FDXR: variants seen among roughly 807,000 people sequenced by gnomAD.
FDXR encodes ferredoxin reductase.
A neutral mutation model predicts 58.3 loss-of-function variants in FDXR; 38 were observed. The ratio of observed to expected loss-of-function variants is 0.65; its 90% CI spans 0.50 to 0.85. FDXR has a LOEUF of 0.85. Ranked by LOEUF, FDXR falls within the 40% of genes least tolerant of loss-of-function variation. The pLI, the probability that FDXR is intolerant of heterozygous loss-of-function variation, is 0.00. For missense variants in FDXR, 624 were observed against 671.0 expected, an observed-to-expected ratio of 0.93 and a Z score of 0.77; for synonymous variants, 275 against 273.8, an observed-to-expected ratio of 1.00 and a Z score of -0.04.
chr17:74,865,988 G>T, intron 5 of FDXR, 143 bp downstream of exon 5: 1 of 835,840 alleles, frequency 1.2e-6, no homozygotes. Context: ...TCTCCCCCGA[G>T]GCCCTCCACA....
rs561323915 is a variant in FDXR, at chr17:74,872,448, C to A, written c.80-315G>T. The A allele has an allele frequency of 2.3e-4, 152 of 664,700 alleles. 1 individual carries two copies. Among genetic ancestry groups the A allele is most frequent in the South Asian group, 1.2e-3 (64 of 51,652 alleles). 41.2% of individuals were successfully genotyped at this position (664,700 alleles called of 1,614,324 possible). On this transcript the variant is annotated intron_variant, in intron 1 of 11. Transcript: ENST00000293195. ...ATCCTTCCAACGGCCTCCATATCAT[C>A]CCAATCTCGCCCCCGTGGGTCTCCC...
rs1188063159 is a variant in FDXR, at chr17:74,862,727, C to G, written c.*90G>C. ...CCAAGCCAGGGCCGGCCGGGATCAG[C>G]AGAGGTGCAAAGTCCCACTCAGACG... On this transcript the variant is annotated 3_prime_UTR_variant, in exon 12 of 12. Coordinates refer to ENST00000293195, the MANE Select transcript of FDXR (RefSeq NM_024417.5). The G allele has an allele frequency of 1.4e-6, 2 of 1,478,744 alleles. No homozygotes were observed. Among genetic ancestry groups the G allele is most frequent in the Admixed American group, 4.3e-5 (2 of 46,976 alleles). The allele number at this position is 1,478,744 out of a possible 1,614,324, so 91.6% of individuals were successfully genotyped here.
chr17:74,869,819 C>T (rs568434088), intron 2 of FDXR: 87 of 383,202 alleles, frequency 2.3e-4, no homozygotes, highest in African/African-American at 1.0e-4. Flanking sequence ...GAACATGTTA[C>T]GTCCAGTAAA....
Position 74,863,887 on chromosome 17 carries a change from C to G in FDXR, c.1174+9G>C. Reference sequence around the variant, plus strand: ...TAATTCAGCACCCAGCCTCCTCACACCCTCTCACCTGGCACATCCATAACC... The same window carrying G: ...TAATTCAGCACCCAGCCTCCTCACAGCCTCTCACCTGGCACATCCATAACC... On this transcript the variant is annotated intron_variant, in intron 10 of 11. Coordinates refer to ENST00000293195, the MANE Select transcript of FDXR (RefSeq NM_024417.5). 6.2e-7 allele frequency: 1 copy of G among 1,608,668 alleles called. No individual in the cohort carries two copies.
intron 2 of FDXR, chr17:74,868,803 C>G: frequency 3.5e-6 from 5 of 1,426,346 alleles, no homozygotes; most frequent in Non-Finnish European, 3.7e-6. Flanking sequence ...ATTTAACCCA[C>G]TCCCTCCTGC....
Position 74,872,048 on chromosome 17 carries a change from T to C in FDXR, c.165A>G (p.Gln55=), listed in dbSNP as rs1326486460. 4 of 1,597,512 alleles carry C rather than the reference T, an allele frequency of 2.5e-6. No homozygotes were observed. Among genetic ancestry groups the C allele is most frequent in the African/African-American group, 2.7e-5 (2 of 74,284 alleles). Residue 55 remains glutamine, a synonymous_variant, in exon 2 of 12, where the codon CAA becomes CAG. Transcript: ENST00000293195. ...GTAAGTGGCTTACCTTTAGCAGGTG[T>C]TGGGCCGTGTAGAAGCCAGCTGGGC... ...GSGPAGFYTA[Q]HLLKHPQAHV...
rs1344258866 is a variant in FDXR at position 74,863,916 on chromosome 17, C to T, written c.1154G>A (p.Gly385Asp). Residue 385 changes from glycine to aspartate, a missense_variant, in exon 10 of 12, where the codon GGC becomes GAC. Transcript: ENST00000293195. Reference protein sequence around the residue: ...SKLGVIPNVEGRVMDVPGLYC... With the variant: ...SKLGVIPNVEDRVMDVPGLYC... ...CTCACCTGGCACATCCATAACCCGG[C>T]CCTCCACATTGGGGATGACCCCAAG... The T allele has an allele frequency of 3.1e-6, 5 of 1,613,644 alleles. No homozygotes were observed. The Admixed American group carries it at 6.7e-5, about 22-fold the overall frequency.
At chr17:74,865,693 C>A in intron 6 of FDXR, 26 bp downstream of exon 6, 1 of 1,550,398 alleles carries the variant, frequency 6.4e-7, no homozygotes, top group Non-Finnish European at 8.8e-7. Flanking sequence ...CACCTCCAAC[C>A]CCGCCAGCCC....
At chr17:74,866,046 T>A in intron 5 of FDXR, 85 bp downstream of exon 5, 3 of 1,112,940 alleles carry the variant, frequency 2.7e-6, no homozygotes, top group Non-Finnish European at 4.0e-6. Flanking sequence ...CGCCACTGGA[T>A]GGCAGCTCCC....
chr17:74,866,964 A>G lies in FDXR; in HGVS notation c.178-88T>C, dbSNP rs766455383. Reference sequence around the variant, plus strand: ...CCTCCCCTTCCCCAGACAGAGCAGGAGAGTTCAGGACCCTGGGCTGAGAAC... The same window carrying G: ...CCTCCCCTTCCCCAGACAGAGCAGGGGAGTTCAGGACCCTGGGCTGAGAAC... On this transcript the variant is annotated intron_variant, in intron 2 of 11. Transcript: ENST00000293195. The G allele has an allele frequency of 4.9e-4, 755 of 1,556,168 alleles. 3 individuals carry two copies. Among genetic ancestry groups the G allele is most frequent in the Non-Finnish European group, 4.9e-4 (558 of 1,149,750 alleles).
rs528378070 is a variant in FDXR at position 74,869,509 on chromosome 17, T to C, written c.177+2527A>G. On this transcript the variant is annotated intron_variant, in intron 2 of 11. Transcript: ENST00000293195. ...ACAGGCACCTTCCAGAACTTGCCCT[T>C]TCCCCAGAGAGCCATTCTCTTCCTC... Among the ~76,000 whole-genome samples the C allele has an allele frequency of 4.6e-5, 7 of 152,240 alleles. No homozygotes were observed. The East Asian group carries it at 9.6e-4, about 21-fold the overall frequency.
At chr17:74,872,197 C>A (rs553693690) in intron 1 of FDXR, 64 bp from the exon 2 acceptor site, 4 of 1,570,994 alleles carry the variant, frequency 2.5e-6, no homozygotes, top group South Asian at 2.3e-5. Context: ...CCCAAACCAA[C>A]CTGAATATCC....
intron 8 of FDXR, 57 bp from the exon 9 acceptor site, chr17:74,864,404 A>C (rs2144650239): frequency 6.2e-7 from 1 of 1,604,184 alleles, no homozygotes; most frequent in East Asian, 2.2e-5. Context: ...CTCTCCCTGC[A>C]TGCCCTTCCC....
At chr17:74,869,998 G>T in intron 2 of FDXR, 1 of 451,932 alleles carries the variant, frequency 2.2e-6, no homozygotes, top group South Asian at 1.6e-5. Context: ...TCATGAGGAT[G>T]CTACGAGATG....
chr17:74,865,950 G>C (rs1386463479), intron 5 of FDXR, 130 bp from the exon 6 acceptor site: 2 of 880,322 alleles, frequency 2.3e-6, no homozygotes, highest in Non-Finnish European at 3.6e-6. Context: ...CCACAACTCT[G>C]GTCCCTCCTC....
intron 5 of FDXR, 65 bp downstream of exon 5, chr17:74,866,066 A>G: frequency 8.0e-7 from 1 of 1,243,830 alleles, no homozygotes; most frequent in Non-Finnish European, 1.2e-6. Flanking sequence ...CTCTTCCCCC[A>G]GGTCTGGCAT....
chr17:74,872,613 C>A, intron 1 of FDXR: 1 of 779,206 alleles, frequency 1.3e-6, no homozygotes, highest in Non-Finnish European at 2.0e-6. Context: ...CCTCCATTCA[C>A]CCCGTCTCAC....
chr17:74,866,596 G>A (rs975859621), intron 3 of FDXR, 28 bp from the exon 4 acceptor site: 2 of 1,613,202 alleles, frequency 1.2e-6, no homozygotes, highest in Admixed American at 3.3e-5. Flanking sequence ...AATGGGAGGG[G>A]TTAGAGGGTA....
At chr17:74,865,063 G>A in intron 6 of FDXR, 132 bp from the exon 7 acceptor site, 2 of 1,267,306 alleles carry the variant, frequency 1.6e-6, no homozygotes, top group African/African-American at 1.5e-5. Flanking sequence ...CCCCCCTGGT[G>A]GCCAGATGGA....
Sources: gnomAD v4.1 joint callset for allele counts (sites outside exome capture counted in the v4.1 genomes callset) on GRCh38, gnomAD v4.1.1 for gene constraint, MANE v1.5 for transcripts, NCBI Gene and HGNC (gene_info 2026-07-23, HGNC 2026-07-21) for gene names.